SLC3A1: variants seen among roughly 807,000 people sequenced by gnomAD.
SLC3A1 encodes amino acid transporter heavy chain SLC3A1.
SLC3A1 carries 78 observed loss-of-function variants against 60.3 expected under a neutral mutation model. The observed-to-expected ratio is 1.29, with a 90% confidence interval of 1.08 to 1.56. SLC3A1 has a LOEUF of 1.56. Among genes scored for constraint, SLC3A1 ranks in the 40% most tolerant of loss-of-function variants. The probability of loss-of-function intolerance (pLI) is 0.00; values close to 1 mark genes in which losing one functional copy is unlikely to be tolerated. For missense variants in SLC3A1, 1,172 were observed against 858.9 expected (o/e 1.36, Z -4.56); for synonymous variants, 392 against 307.9 (o/e 1.27, Z -2.86).
At chr2:44,279,445 G>A (rs1327225610) in intron 1 of SLC3A1, among the ~76,000 whole-genome samples, 1 of 152,046 alleles carries the variant, frequency 6.6e-6, no homozygotes, top group Non-Finnish European at 1.5e-5. Context: ...AGCTTCCTCT[G>A]CCCCTGGGGG....
rs764849767 is a variant in SLC3A1, at chr2:44,304,163, A to G, written c.1157A>G (p.Tyr386Cys). 8 of 1,613,986 alleles carry G rather than the reference A, an allele frequency of 5.0e-6. No homozygotes were observed. Among genetic ancestry groups the G allele is most frequent in the African/African-American group, 4.0e-5 (3 of 74,934 alleles). The change falls in exon 7 of 10, where the codon TAT (tyrosine) becomes TGT (cysteine). Residue 386 changes from tyrosine to cysteine, a missense_variant. Coordinates refer to ENST00000260649, the MANE Select transcript of SLC3A1 (RefSeq NM_000341.4). ...TATAGGTTCATGGGGACTGAAGCCT[A>G]TGCAGAGAGTATTGACAGGACCGTG... The part of the protein sequence containing the change: ...GRYRFMGTEA[Y>C]AESIDRTVMY...
At position 44,285,953 on chromosome 2, in the gene SLC3A1, G is replaced by A; in HGVS notation, c.766-79G>A. On this transcript the variant is annotated intron_variant, in intron 3 of 9. Coordinates refer to ENST00000260649, the MANE Select transcript of SLC3A1 (RefSeq NM_000341.4). ...AGGATTTACATACTCTGCCTGCAAA[G>A]GATCAGGGAGGGCAATGATCTTTAT... 6 of 1,543,430 alleles carry A rather than the reference G, an allele frequency of 3.9e-6. No individual in the cohort carries two copies. In the Admixed American group the frequency reaches 1.0e-4, roughly 26 times the overall value.
intron 1 of SLC3A1, 38 bp downstream of exon 1, chr2:44,276,003 T>A: frequency 6.3e-7 from 1 of 1,587,256 alleles, no homozygotes; most frequent in African/African-American, 1.3e-5. Flanking sequence ...GGTGCCAGGA[T>A]GAGATTGGTT....
At chr2:44,282,953 C>T (rs961138773) in intron 3 of SLC3A1, among the ~76,000 whole-genome samples, 4 of 152,124 alleles carry the variant, frequency 2.6e-5, no homozygotes, top group African/African-American at 4.8e-5. Context: ...CCACTGTGCC[C>T]GGCCACATGA....
Position 44,281,371 on chromosome 2 carries a change from G to T in SLC3A1, c.611-16G>T, listed in dbSNP as rs779344547. ...ACAATCTTTCCCTAGCATTTGAAATGTCTTTTACTCATTAGGTTTAAAATT... is the reference window on the plus strand; with the variant it reads ...ACAATCTTTCCCTAGCATTTGAAATTTCTTTTACTCATTAGGTTTAAAATT... On this transcript the variant is annotated splice_polypyrimidine_tract_variant and intron_variant, in intron 2 of 9. Coordinates refer to ENST00000260649, the MANE Select transcript of SLC3A1 (RefSeq NM_000341.4). 1.2e-6 allele frequency: 2 copies of T among 1,600,340 alleles called. No individual in the cohort carries two copies. The highest frequency in any genetic ancestry group is 1.4e-5 in the African/African-American group (1 of 72,888).
At position 44,290,212 on chromosome 2, in the gene SLC3A1, C is replaced by A. The variant is rs558714671; in HGVS notation, c.891+4055C>A. On this transcript the variant is annotated intron_variant, in intron 4 of 9. Transcript: ENST00000260649. ...ATTCTTTCCCTACTGAATTGTCTGG[C>A]AACTTTTGTTGAAAATCAATTGACC... is the stretch of plus-strand genomic sequence containing the variant. 1.8e-4 allele frequency among the ~76,000 whole-genome samples: 27 copies of A among 150,300 alleles called. No individual in the cohort carries two copies. In the East Asian group the frequency reaches 5.3e-3, roughly 29 times the overall value.
intron 1 of SLC3A1, among the ~76,000 whole-genome samples, chr2:44,277,323 T>C (rs1038420701): frequency 6.6e-6 from 1 of 152,030 alleles, no homozygotes; most frequent in South Asian, 2.1e-4. Context: ...GTCAGGCTAG[T>C]CTCGAACTCC....
downstream of SLC3A1, chr2:44,321,721 A>C (rs1672972003): frequency 6.2e-6 from 10 of 1,600,130 alleles, no homozygotes; most frequent in Non-Finnish European, 7.7e-6. Context: ...TAGATAGGAC[A>C]TTTGTGAAGT....
chr2:44,295,989 G>A (rs1012126539), intron 4 of SLC3A1, among the ~76,000 whole-genome samples: 5 of 152,184 alleles, frequency 3.3e-5, no homozygotes, highest in Non-Finnish European at 7.3e-5. Context: ...AGAAAAGTTG[G>A]TATTTACTTA....
chr2:44,285,729 A>T (rs1006277373), intron 3 of SLC3A1: 14 of 556,228 alleles, frequency 2.5e-5, no homozygotes, highest in African/African-American at 2.2e-4. Flanking sequence ...AGATTCAAGA[A>T]AATACATTAG....
chr2:44,312,474 C>T, intron 7 of SLC3A1, 112 bp from the exon 8 acceptor site: 2 of 1,148,368 alleles, frequency 1.7e-6, no homozygotes, highest in South Asian at 2.5e-5. Flanking sequence ...TTGCTAGTAC[C>T]AAGGTACCAC....
chr2:44,319,892 G>C (rs1672777565), intron 9 of SLC3A1: 1 of 319,466 alleles, frequency 3.1e-6, no homozygotes, highest in African/African-American at 2.2e-5. Flanking sequence ...ATTCATCTTA[G>C]ACATGGACAT....
chr2:44,301,694 G>A (rs1185745729), intron 6 of SLC3A1, among the ~76,000 whole-genome samples: 1 of 131,194 alleles, frequency 7.6e-6, no homozygotes, highest in Non-Finnish European at 1.5e-5. Context: ...AGTCAAGATT[G>A]CACCACTGCA....
At position 44,301,059 on chromosome 2, in the gene SLC3A1, A is replaced by AATGCACGACATTT; in HGVS notation, c.1080_1081insTATGCACGACATT (p.Val361TyrfsTer28). The AATGCACGACATTT allele has an allele frequency of 6.2e-7, 1 of 1,614,152 alleles. No homozygotes were observed. The stretch of plus-strand genomic sequence containing the variant: ...ATGACTTCACCACCACGCAGGTGGG[A>AATGCACGACATTT]ATGCACGACATTGTCCGCAGCTTCC... On this transcript the variant is annotated frameshift_variant, in exon 6 of 10. Transcript: ENST00000260649. LOFTEE classifies it high-confidence loss of function.
At chr2:44,300,171 C>G in intron 5 of SLC3A1, 81 bp downstream of exon 5, 2 of 1,402,666 alleles carry the variant, frequency 1.4e-6, no homozygotes, top group Non-Finnish European at 2.0e-6. Context: ...CCTGAGATAC[C>G]AGTTACAAAG....
intron 3 of SLC3A1, 48 bp downstream of exon 3, chr2:44,281,589 T>C: frequency 6.4e-7 from 1 of 1,569,074 alleles, no homozygotes; most frequent in Non-Finnish European, 8.8e-7. Flanking sequence ...GGCAGATATG[T>C]AGTGATTGAA....
At chr2:44,282,843 A>G (rs1461577315) in intron 3 of SLC3A1, among the ~76,000 whole-genome samples, 4 of 152,016 alleles carry the variant, frequency 2.6e-5, no homozygotes, top group Admixed American at 2.0e-4. Context: ...TTTTTTGTAA[A>G]GACAGGGCCT....
At chr2:44,284,370 G>A (rs959530115) in intron 3 of SLC3A1, among the ~76,000 whole-genome samples, 2 of 152,062 alleles carry the variant, frequency 1.3e-5, no homozygotes, top group African/African-American at 4.8e-5. Flanking sequence ...GAGCCACCAC[G>A]CCCAACCAAG....
chr2:44,284,731 GT>G (rs1671576648), intron 3 of SLC3A1, among the ~76,000 whole-genome samples: 1 of 151,778 alleles, frequency 6.6e-6, no homozygotes, highest in Admixed American at 6.6e-5. Context: ...GTGTGGCTGA[GT>G]TTTTTTATTT....
Sources: gnomAD v4.1 joint callset for allele counts (sites outside exome capture counted in the v4.1 genomes callset) on GRCh38, gnomAD v4.1.1 for gene constraint, MANE v1.5 for transcripts, NCBI Gene and HGNC (gene_info 2026-07-23, HGNC 2026-07-21) for gene names.